OTOGL: variants seen among roughly 807,000 people sequenced by gnomAD.
OTOGL encodes otogelin like.
A neutral mutation model predicts 318.5 loss-of-function variants in OTOGL; 285 were observed. The observed-to-expected ratio is 0.89, with a 90% CI of 0.81 to 0.99. The LOEUF is 0.99. Among genes scored for constraint, OTOGL ranks in the 50% least tolerant of loss-of-function variants. The probability of loss-of-function intolerance (pLI) is 0.00; values close to 1 mark genes in which losing one functional copy is unlikely to be tolerated. For missense variants in OTOGL, 2,899 were observed against 2,845.6 expected (o/e 1.02, Z -0.43); for synonymous variants, 987 against 936.5 (o/e 1.05, Z -0.99).
chr12:80,315,493 T>C (rs1484440320), intron 32 of OTOGL, among the ~76,000 whole-genome samples: 1 of 152,162 alleles, frequency 6.6e-6, no homozygotes, highest in African/African-American at 2.4e-5. Context: ...ATCTATTTAA[T>C]GAGGAAGGCG....
rs1252000742 is a variant in OTOGL, at chr12:80,367,638, G to A, written c.6409G>A (p.Asp2137Asn). Residue 2137 changes from aspartate to asparagine, a missense_variant, in exon 54 of 59, where the codon GAC becomes AAC. By Grantham distance (23) the Asp-to-Asn change is conservative. This residue lies in a region of OTOGL where 289 missense variants were observed against 304.6 expected (regional missense o/e 0.95). Transcript: ENST00000547103. Reference protein sequence around the residue: ...GQSMIKYLEEDFCYAIECLEE... With the variant: ...GQSMIKYLEENFCYAIECLEE... ...ATCCATGATAAAGTATTTGGAAGAAGACTTTTGTTATGCTATAGAGTGTCT... is the reference window on the plus strand; with the variant it reads ...ATCCATGATAAAGTATTTGGAAGAAAACTTTTGTTATGCTATAGAGTGTCT... 1.3e-6 allele frequency: 2 copies of A among 1,535,906 alleles called. No individual in the cohort carries two copies. Among genetic ancestry groups the A allele is most frequent in the Non-Finnish European group, 8.8e-7 (1 of 1,130,618 alleles).
chr12:80,126,845 A>T (rs1870877250), intron 1 of OTOGL, among the ~76,000 whole-genome samples: 1 of 152,122 alleles, frequency 6.6e-6, no homozygotes, highest in South Asian at 2.1e-4. Context: ...CTGTTTTATC[A>T]GAGAACTAGG....
intron 16 of OTOGL, among the ~76,000 whole-genome samples, chr12:80,255,491 G>GT (rs1432483140): frequency 7.2e-5 from 11 of 151,806 alleles, no homozygotes; most frequent in Non-Finnish European, 1.5e-4. Flanking sequence ...AGTACGTATA[G>GT]TTTTTTGTAC....
In OTOGL at chr12:80,278,154, T is replaced by C. The variant is rs767774045; in HGVS notation, c.2682-14T>C. ...TAGTTCATACTAAATAGCATTTTAT[T>C]CTTCATTTGGAAGAATGGCAGAGCA... On this transcript the variant is annotated splice_polypyrimidine_tract_variant and intron_variant, in intron 24 of 58. Transcript: ENST00000547103. The C allele has an allele frequency of 7.2e-6, 11 of 1,526,546 alleles. No individual in the cohort carries two copies. In the South Asian group the frequency reaches 8.4e-5, roughly 12 times the overall value. The allele number at this position is 1,526,546 out of a possible 1,614,324, so 94.6% of individuals were successfully genotyped here. A position where few individuals can be genotyped will look rare whatever the true frequency, so the allele number is the denominator to read the frequency against.
chr12:80,207,100 C>T (rs1876865389), intron 1 of OTOGL, among the ~76,000 whole-genome samples: 1 of 151,986 alleles, frequency 6.6e-6, no homozygotes, highest in Non-Finnish European at 1.5e-5. Context: ...TTACCAAGTT[C>T]TAGTAGTGTT....
At position 80,380,589 on chromosome 12, in the gene OTOGL, C is replaced by G. The variant is rs1592467218; in HGVS notation, c.*2541C>G. ...CTACAGAAATTCAATTTCTCACCTA[C>G]CAGACTGGTAAAAAACCAGAAGTTT... On this transcript the variant is annotated 3_prime_UTR_variant, in exon 59 of 59. Transcript: ENST00000547103. 3.2e-5 allele frequency: 2 copies of G among 62,292 alleles called. No individual in the cohort carries two copies. Among genetic ancestry groups the G allele is most frequent in the East Asian group, 8.6e-4 (2 of 2,316 alleles). The allele number at this position is 62,292 out of a possible 1,614,324, so 3.9% of individuals were successfully genotyped here.
intron 1 of OTOGL, among the ~76,000 whole-genome samples, chr12:80,120,249 A>G (rs1424921536): frequency 2.0e-5 from 3 of 152,188 alleles, no homozygotes; most frequent in Non-Finnish European, 4.4e-5. Flanking sequence ...GTGCCAAGTT[A>G]TATCAAAGCA....
chr12:80,167,337 G>A (rs116840304), intron 1 of OTOGL, among the ~76,000 whole-genome samples: 2,224 of 152,106 alleles, frequency 0.015, 55 homozygotes, highest in African/African-American at 0.051. Flanking sequence ...AAAAATTTTG[G>A]TTTTGATTTT....
At chr12:80,206,113 T>C (rs1298726319) in intron 1 of OTOGL, among the ~76,000 whole-genome samples, 2 of 152,242 alleles carry the variant, frequency 1.3e-5, no homozygotes, top group Non-Finnish European at 2.9e-5. Flanking sequence ...GCTTACTTTT[T>C]GCCAAAGTTC....
intron 29 of OTOGL, 67 bp downstream of exon 29, chr12:80,305,762 TTTA>T (rs1886069860): frequency 8.4e-7 from 1 of 1,190,712 alleles, no homozygotes; most frequent in African/African-American, 1.6e-5. Context: ...ACTAGAACAT[TTTA>T]TTCTTATTTA....
At chr12:80,187,355 G>C (rs551796820) in intron 1 of OTOGL, among the ~76,000 whole-genome samples, 26 of 152,106 alleles carry the variant, frequency 1.7e-4, no homozygotes, top group African/African-American at 5.8e-4. Flanking sequence ...TGCAGACCCT[G>C]CTGGGGCCAA....
chr12:80,205,121 T>C (rs771182825), intron 1 of OTOGL, among the ~76,000 whole-genome samples: 66 of 152,174 alleles, frequency 4.3e-4, no homozygotes, highest in South Asian at 8.3e-4. Context: ...ATAAAAATTA[T>C]TGAAGATATA....
chr12:80,356,399 G>A lies in OTOGL; in HGVS notation c.5807-17G>A, dbSNP rs758692154. 6.3e-7 allele frequency: 1 copy of A among 1,586,328 alleles called. No homozygotes were observed. The highest frequency in any genetic ancestry group is 1.7e-5 in the Admixed American group (1 of 58,448). On this transcript the variant is annotated splice_polypyrimidine_tract_variant and intron_variant, in intron 47 of 58. Transcript: ENST00000547103. ...AGTTGTGTTCACTAATATTTTAACA[G>A]TTTTTCTTATTTATAGGATGTGACA...
intron 1 of OTOGL, among the ~76,000 whole-genome samples, chr12:80,159,294 G>T (rs1285159325): frequency 6.6e-6 from 1 of 151,856 alleles, no homozygotes; most frequent in Non-Finnish European, 1.5e-5. Context: ...CTGTAGTTTT[G>T]ATTTTTTGTT....
chr12:80,213,650 G>T (rs897791763), intron 4 of OTOGL, among the ~76,000 whole-genome samples: 2 of 152,112 alleles, frequency 1.3e-5, no homozygotes, highest in Non-Finnish European at 2.9e-5. Context: ...TCAAATTGGG[G>T]TTATACTGTT....
chr12:80,108,953 T>TATATATATATATATATATATAC (rs1555268625), intron 1 of OTOGL, among the ~76,000 whole-genome samples: 18 of 142,738 alleles, frequency 1.3e-4, no homozygotes, highest in African/African-American at 4.7e-4. Flanking sequence ...TATATATATA[T>TATATATATATATATATATATAC]ACACACACAC....
At chr12:80,270,009 C>G in intron 22 of OTOGL, 93 bp from the exon 23 acceptor site, 1 of 1,036,008 alleles carries the variant, frequency 9.7e-7, no homozygotes, top group Non-Finnish European at 1.4e-6. Context: ...TGTACTCAAT[C>G]AATTCTTGTA....
chr12:80,229,697 A>G (rs1270740389), intron 8 of OTOGL, among the ~76,000 whole-genome samples: 1 of 151,780 alleles, frequency 6.6e-6, no homozygotes, highest in African/African-American at 2.4e-5. Context: ...GTATCTTAAG[A>G]GTTCAACTCT....
At chr12:80,311,332 G>T (rs1335653283) in intron 30 of OTOGL, among the ~76,000 whole-genome samples, 1 of 152,156 alleles carries the variant, frequency 6.6e-6, no homozygotes, top group Non-Finnish European at 1.5e-5. Flanking sequence ...CTAAGATGTT[G>T]TTTTTCTCTT....
Sources: allele counts gnomAD v4.1 joint callset (sites outside exome capture counted in the v4.1 genomes callset), GRCh38; gene constraint gnomAD v4.1.1; regional missense constraint gnomAD v4.1.1; transcripts MANE v1.5; gene names NCBI Gene and HGNC (gene_info 2026-07-23, HGNC 2026-07-21).